The following NFIB variants were observed in gnomAD, a reference collection of about 807,000 sequenced individuals.
NFIB encodes nuclear factor 1 B-type.
In NFIB, 11 loss-of-function variants were observed where a neutral mutation model predicts 61.5. The observed-to-expected ratio is 0.18, with a 90% CI of 0.11 to 0.30. The LOEUF is 0.30. NFIB is among the 10% of genes least tolerant of loss of function. The pLI is 1.00. For synonymous variants in NFIB, 260 were observed against 216.5 expected (o/e 1.20, Z -1.76); for missense variants, 471 against 608.9 (o/e 0.77, Z 2.38).
chr9:14,270,392 T>C (rs1485135238), intron 2 of NFIB, among the ~76,000 whole-genome samples: 1 of 152,004 alleles, frequency 6.6e-6, no homozygotes, highest in African/African-American at 2.4e-5. Context: ...AAAGGCAATC[T>C]GTGCACATGC....
intron 2 of NFIB, among the ~76,000 whole-genome samples, chr9:14,248,942 C>T (rs2055262250): frequency 6.6e-6 from 1 of 152,202 alleles, no homozygotes; most frequent in Admixed American, 6.5e-5. Flanking sequence ...CCAGTTACAT[C>T]ATTTGAACAC....
chr9:14,418,648 C>T, the NFIB span, among the ~76,000 whole-genome samples: 1 of 152,080 alleles, frequency 6.6e-6, no homozygotes, highest in African/African-American at 2.4e-5. Flanking sequence ...CTATTAGGGT[C>T]CCCAGGAGAG....
At chr9:14,256,410 C>T (rs563438564) in intron 2 of NFIB, among the ~76,000 whole-genome samples, 1 of 152,164 alleles carries the variant, frequency 6.6e-6, no homozygotes, top group Non-Finnish European at 1.5e-5. Flanking sequence ...CCCCTCCTTA[C>T]AAACAGAAGT....
intron 3 of NFIB, among the ~76,000 whole-genome samples, chr9:14,166,917 T>C (rs193223789): frequency 2.6e-5 from 4 of 152,340 alleles, no homozygotes; most frequent in Non-Finnish European, 5.9e-5. Flanking sequence ...GAAGCTATTC[T>C]TTTGTAGGTT....
At chr9:14,355,289 G>T (rs985909155) in intron 1 of NFIB, among the ~76,000 whole-genome samples, 1 of 152,180 alleles carries the variant, frequency 6.6e-6, no homozygotes, top group Non-Finnish European at 1.5e-5. Context: ...GACATGTATA[G>T]AGGGAAGACC....
chr9:14,168,338 G>A (rs1243894990), intron 3 of NFIB, among the ~76,000 whole-genome samples: 1 of 152,180 alleles, frequency 6.6e-6, no homozygotes. Flanking sequence ...GGGAGTAGAT[G>A]CGAAAATAGA....
At chr9:14,372,552 C>G (rs1319070022) in intron 1 of NFIB, among the ~76,000 whole-genome samples, 3 of 151,936 alleles carry the variant, frequency 2.0e-5, no homozygotes, top group African/African-American at 7.3e-5. Context: ...GAATTAATGA[C>G]CAAAAGCTAG....
intron 2 of NFIB, among the ~76,000 whole-genome samples, chr9:14,234,842 C>T (rs1161269570): frequency 2.8e-5 from 4 of 144,188 alleles, no homozygotes; most frequent in African/African-American, 1.0e-4. Context: ...TTTCAACATA[C>T]GTTTTTAAAA....
chr9:14,143,885 T>C (rs2042008956), intron 6 of NFIB, among the ~76,000 whole-genome samples: 1 of 152,110 alleles, frequency 6.6e-6, no homozygotes, highest in Non-Finnish European at 1.5e-5. Context: ...TTTATAAAGA[T>C]AGTACTGTAC....
rs2061457156 is a variant in NFIB, at chr9:14,379,379, G to C, written c.108+19145C>G. Among the ~76,000 whole-genome samples the C allele has an allele frequency of 2.0e-5, 3 of 152,180 alleles. 1 individual carries two copies. The South Asian group carries it at 6.2e-4, about 31-fold the overall frequency. On this transcript the variant is annotated intron_variant, in intron 1 of 8. Coordinates refer to the NFIB transcript ENST00000380934. ...TCTTAAAATTGAATTATGTTTCTGT[G>C]AAAAGCTGCTGTGTAAAATAACAAC... is the stretch of plus-strand genomic sequence containing the variant.
At chr9:14,322,949 C>T (rs1190758641) in intron 1 of NFIB, among the ~76,000 whole-genome samples, 2 of 152,206 alleles carry the variant, frequency 1.3e-5, no homozygotes, top group African/African-American at 2.4e-5. Flanking sequence ...GGCCCCTCGC[C>T]GGCCTTCTGG....
the NFIB span, among the ~76,000 whole-genome samples, chr9:14,509,376 T>A: frequency 6.6e-6 from 1 of 152,358 alleles, no homozygotes; most frequent in South Asian, 2.1e-4. Context: ...ATTAGTTCCT[T>A]AAGTTCTGTC....
At chr9:14,228,283 C>T (rs2052692602) in intron 2 of NFIB, among the ~76,000 whole-genome samples, 1 of 151,498 alleles carries the variant, frequency 6.6e-6, no homozygotes, top group African/African-American at 2.4e-5. Flanking sequence ...CAGCCTCCGC[C>T]TCCCAGGTTT....
intron 1 of NFIB, among the ~76,000 whole-genome samples, chr9:14,321,735 AAAT>A (rs1438784761): frequency 1.3e-5 from 2 of 152,318 alleles, no homozygotes; most frequent in African/African-American, 4.8e-5. Context: ...TGCCAACGCT[AAAT>A]AATAATGCAT....
In NFIB at chr9:14,358,943, T is replaced by C. The variant is rs377116067; in HGVS notation, c.108+39581A>G. ...ACTTCCTAATCATTTGACTGCATTT[T>C]ACTATTATTTATGCTCTTGAGTTTA... On this transcript the variant is annotated intron_variant, in intron 1 of 8. Coordinates refer to the NFIB transcript ENST00000380934. Among the ~76,000 whole-genome samples the C allele has an allele frequency of 3.8e-4, 58 of 152,358 alleles. 1 individual carries two copies. In the Middle Eastern group the frequency reaches 0.01, roughly 27 times the overall value.
chr9:14,521,769 C>T, the NFIB span, among the ~76,000 whole-genome samples: 1 of 152,180 alleles, frequency 6.6e-6, no homozygotes, highest in African/African-American at 2.4e-5. Context: ...CACTCAGTCC[C>T]TAAATGATGC....
rs115810763 is a variant in NFIB, at chr9:14,348,228, C to T, written c.109-40708G>A. Reference sequence around the variant, plus strand: ...GAAGGCATAATTCAATTATATCATACAACTGCAGCGCACCCTTTTCCTTTT... The same window carrying T: ...GAAGGCATAATTCAATTATATCATATAACTGCAGCGCACCCTTTTCCTTTT... On this transcript the variant is annotated intron_variant, in intron 1 of 8. Transcript: ENST00000380934. Among the ~76,000 whole-genome samples the T allele has an allele frequency of 7.9e-3, 1,206 of 152,230 alleles. 16 individuals carry two copies. Among genetic ancestry groups the T allele is most frequent in the African/African-American group, 0.027 (1,141 of 41,528 alleles).
intron 2 of NFIB, among the ~76,000 whole-genome samples, chr9:14,193,835 C>G (rs1054084136): frequency 6.6e-6 from 1 of 152,130 alleles, no homozygotes; most frequent in African/African-American, 2.4e-5. Flanking sequence ...AAACATACAG[C>G]ATCAATTCAC....
chr9:14,270,567 A>G (rs1315479647), intron 2 of NFIB, among the ~76,000 whole-genome samples: 3 of 144,352 alleles, frequency 2.1e-5, no homozygotes, highest in Non-Finnish European at 4.5e-5. Flanking sequence ...AGTTCTAAAA[A>G]GCCTTAGATC....
Sources: allele counts gnomAD v4.1 joint callset (sites outside exome capture counted in the v4.1 genomes callset), GRCh38; gene constraint gnomAD v4.1.1; transcripts MANE v1.5; gene names NCBI Gene and HGNC (gene_info 2026-07-23, HGNC 2026-07-21).